IPO5: variants seen among roughly 807,000 people sequenced by gnomAD.
IPO5 encodes the protein importin-5.
Under a neutral mutation model 143.3 loss-of-function variants are expected in IPO5, and 18 were observed. The ratio of observed to expected loss-of-function variants is 0.13; its 90% CI spans 0.09 to 0.19. IPO5 has a LOEUF of 0.19. Ranked by LOEUF, IPO5 falls within the 10% of genes least tolerant of loss-of-function variation. The pLI, the probability that IPO5 is intolerant of heterozygous loss-of-function variation, is 1.00. For missense variants in IPO5, 1,013 were observed against 1,336.9 expected (o/e 0.76, Z 3.78); for synonymous variants, 477 against 465.7 (o/e 1.02, Z -0.31).
intron 12 of IPO5, among the ~76,000 whole-genome samples, chr13:97,998,612 T>C (rs1888497314): frequency 6.6e-6 from 1 of 152,162 alleles, no homozygotes; most frequent in African/African-American, 2.4e-5. Context: ...AAAATCTGTA[T>C]TCACTGTGCA....
rs561379106 is a variant in IPO5, at chr13:98,021,431, T to C, written c.3207+298T>C. On this transcript the variant is annotated intron_variant, in intron 28 of 28. Coordinates refer to ENST00000651721, the MANE Select transcript of IPO5 (RefSeq NM_002271.6). Reference sequence around the variant, plus strand: ...AAGAAAAAAAAACAAGATTTAATAATAACTTGTCATCTGCCAAAAAACTTT... The same window carrying C: ...AAGAAAAAAAAACAAGATTTAATAACAACTTGTCATCTGCCAAAAAACTTT... The C allele has an allele frequency of 1.1e-5, 4 of 352,156 alleles. No homozygotes were observed. The South Asian group carries it at 3.7e-4, about 33-fold the overall frequency. 21.8% of individuals were successfully genotyped at this position (352,156 alleles called of 1,614,324 possible).
Position 98,014,094 on chromosome 13 carries a change from A to G in IPO5, c.2205A>G (p.Arg735=), listed in dbSNP as rs149025927. Residue 735 remains arginine, a synonymous_variant, in exon 22 of 29, where the codon AGA becomes AGG. Coordinates refer to ENST00000651721, the MANE Select transcript of IPO5 (RefSeq NM_002271.6). ...TGCCTCTTCTCCTGGAGTGTGCAAG[A>G]GTCCGTGGTCCTGAGTATCTCACAC... The part of the protein sequence containing the change: ...ESMPLLLECA[R]VRGPEYLTQM... 1.6e-5 allele frequency: 26 copies of G among 1,613,948 alleles called. No individual in the cohort carries two copies. In the African/African-American group the frequency reaches 3.1e-4, roughly 19 times the overall value.
At chr13:97,993,709 A>T (rs573749392) in intron 11 of IPO5, among the ~76,000 whole-genome samples, 1 of 152,330 alleles carries the variant, frequency 6.6e-6, no homozygotes, top group Admixed American at 6.5e-5. Flanking sequence ...CTATTGTGCT[A>T]TGGAAATACT....
chr13:97,987,910 C>A, intron 6 of IPO5: 1 of 224,330 alleles, frequency 4.5e-6, no homozygotes, highest in Non-Finnish European at 9.8e-6. Context: ...AAACACTTAA[C>A]AATGCAAACC....
At chr13:98,004,380 G>T (rs1478163523) in intron 16 of IPO5, among the ~76,000 whole-genome samples, 3 of 152,194 alleles carry the variant, frequency 2.0e-5, no homozygotes, top group Non-Finnish European at 2.9e-5. Context: ...CTAAGAATAT[G>T]ATAAAGGAAA....
At position 98,000,600 on chromosome 13, in the gene IPO5, G is replaced by A. The variant is rs775571594; in HGVS notation, c.1063G>A (p.Val355Ile). The A allele has an allele frequency of 8.7e-6, 14 of 1,614,018 alleles. No individual in the cohort carries two copies. The highest frequency in any genetic ancestry group is 1.2e-5 in the Non-Finnish European group (14 of 1,179,988). Reference protein sequence around the residue: ...RMACGLGGKLVLPMIKEHIMQ... With the variant: ...RMACGLGGKLILPMIKEHIMQ... The stretch of plus-strand genomic sequence containing the variant: ...GGCTTGCGGACTTGGTGGAAAGCTC[G>A]TTCTGCCGATGATCAAGGAACACAT... The change falls in exon 13 of 29, where the codon GTT (valine) becomes ATT (isoleucine). Residue 355 changes from valine to isoleucine, a missense_variant. By Grantham distance (29) the Val-to-Ile change is conservative. Transcript: ENST00000651721.
chr13:97,967,630 C>CTGTTTGTT (rs200549073), intron 2 of IPO5, among the ~76,000 whole-genome samples: 16 of 151,796 alleles, frequency 1.1e-4, no homozygotes, highest in Admixed American at 7.3e-4. Flanking sequence ...AAAGTATTTT[C>CTGTTTGTT]TGTTTGTTTG....
At chr13:97,999,085 G>T (rs1888542455) in intron 12 of IPO5, among the ~76,000 whole-genome samples, 1 of 152,178 alleles carries the variant, frequency 6.6e-6, no homozygotes, top group Admixed American at 6.5e-5. Context: ...GGAGGTTGCA[G>T]TGAGCTGAGA....
intron 6 of IPO5, chr13:97,988,011 A>G (rs777456370): frequency 2.9e-5 from 9 of 309,530 alleles, no homozygotes; most frequent in Middle Eastern, 4.3e-4. Flanking sequence ...GGTTGAAGAA[A>G]CATTTAATGT....
chr13:98,003,802 G>T (rs1888989946), intron 16 of IPO5, among the ~76,000 whole-genome samples: 1 of 151,954 alleles, frequency 6.6e-6, no homozygotes, highest in South Asian at 2.1e-4. Context: ...AGCTGAGGTG[G>T]TGCCACTGCC....
rs185771822 is a variant in IPO5, at chr13:98,009,039, C to A, written c.1801-842C>A. Among the ~76,000 whole-genome samples, 3 of 152,274 alleles carry A rather than the reference C, an allele frequency of 2.0e-5. No individual in the cohort carries two copies. In the East Asian group the frequency reaches 5.8e-4, roughly 29 times the overall value. Reference sequence around the variant, plus strand: ...GGAGGGATACTTAGCAGACTGCTGACAGTAGGGAGACTGAGGGGACTGTAA... The same window carrying A: ...GGAGGGATACTTAGCAGACTGCTGAAAGTAGGGAGACTGAGGGGACTGTAA... On this transcript the variant is annotated intron_variant, in intron 18 of 28. Coordinates refer to ENST00000651721, the MANE Select transcript of IPO5 (RefSeq NM_002271.6).
At chr13:97,956,438 TA>T (rs2139460097) in intron 2 of IPO5, among the ~76,000 whole-genome samples, 1 of 152,330 alleles carries the variant, frequency 6.6e-6, no homozygotes, top group Admixed American at 6.5e-5. Context: ...ACTAATCTTT[TA>T]AATACCTTTG....
At chr13:97,960,421 G>C (rs952475449) in intron 2 of IPO5, 8 of 152,142 alleles carry the variant, frequency 5.3e-5, no homozygotes, top group Admixed American at 2.0e-4. Context: ...TACTGTGAAT[G>C]ATAGGGGGAA....
At chr13:98,018,216 A>G (rs550706428) in intron 25 of IPO5, among the ~76,000 whole-genome samples, 2 of 152,286 alleles carry the variant, frequency 1.3e-5, no homozygotes, top group African/African-American at 4.8e-5. Flanking sequence ...AAATTTATAT[A>G]CAATGCTTCC....
At chr13:97,962,103 T>A (rs538709364) in intron 2 of IPO5, among the ~76,000 whole-genome samples, 1 of 152,244 alleles carries the variant, frequency 6.6e-6, no homozygotes, top group African/African-American at 2.4e-5. Context: ...CATTCCAGCC[T>A]GGGTGACAGA....
intron 1 of IPO5, 169 bp downstream of exon 1, chr13:97,953,885 C>T (rs976493670): frequency 1.3e-5 from 6 of 455,584 alleles, no homozygotes; most frequent in Admixed American, 4.7e-5. Flanking sequence ...AGGAAGGAAA[C>T]GTCAGAGACA....
In IPO5 at chr13:98,012,234, C is replaced by T; in HGVS notation, c.2056-12C>T. 6.6e-7 allele frequency: 1 copy of T among 1,512,548 alleles called. No homozygotes were observed. Among genetic ancestry groups the T allele is most frequent in the Non-Finnish European group, 9.2e-7 (1 of 1,087,786 alleles). The allele number at this position is 1,512,548 out of a possible 1,614,324, so 93.7% of individuals were successfully genotyped here. ...CATGAATCTTTATTTCCTCCCAATA[C>T]TTTGGTTACAGGTTTGCTATGCTAA... On this transcript the variant is annotated splice_polypyrimidine_tract_variant and intron_variant, in intron 20 of 28. Coordinates refer to ENST00000651721, the MANE Select transcript of IPO5 (RefSeq NM_002271.6).
chr13:98,013,954 G>A, intron 21 of IPO5, 88 bp from the exon 22 acceptor site: 1 of 1,117,348 alleles, frequency 8.9e-7, no homozygotes, highest in Non-Finnish European at 1.3e-6. Context: ...ATAAACAGAA[G>A]TTGCCTAGCA....
At chr13:97,965,772 T>C (rs1885278817) in intron 2 of IPO5, among the ~76,000 whole-genome samples, 1 of 152,066 alleles carries the variant, frequency 6.6e-6, no homozygotes, top group East Asian at 1.9e-4. Flanking sequence ...TGTGTGTGTG[T>C]GTGTGTGTGT....
Sources: gnomAD v4.1 joint callset for allele counts (sites outside exome capture counted in the v4.1 genomes callset) on GRCh38, gnomAD v4.1.1 for gene constraint, MANE v1.5 for transcripts, NCBI Gene and HGNC (gene_info 2026-07-23, HGNC 2026-07-21) for gene names.